The following PDCL2 variants were observed in gnomAD, a reference collection of about 807,000 sequenced individuals.
The protein encoded by PDCL2 is phosducin-like protein 2.
Under a neutral mutation model 30.3 loss-of-function variants are expected in PDCL2, and 23 were observed. The observed-to-expected ratio is 0.76, with a 90% confidence interval of 0.55 to 1.08. The LOEUF (loss-of-function observed/expected upper bound fraction) is 1.08. PDCL2 is among the 50% of genes least tolerant of loss of function. PDCL2 has a pLI of 0.00. For synonymous variants in PDCL2, 68 were observed against 86.2 expected (o/e 0.79, Z 1.17); for missense variants, 243 against 282.3 (o/e 0.86, Z 1.00).
At chr4:55,577,338 C>T (rs56152424) in intron 3 of PDCL2, among the ~76,000 whole-genome samples, 34,403 of 151,954 alleles carry the variant, frequency 0.23, 4,494 homozygotes, top group South Asian at 0.38. Flanking sequence ...GGGGGGGACA[C>T]AAACATTCAG....
intron 5 of PDCL2, among the ~76,000 whole-genome samples, chr4:55,557,739 A>G (rs1732006462): frequency 6.6e-6 from 1 of 152,052 alleles, no homozygotes; most frequent in African/African-American, 2.4e-5. Context: ...AGTCTCATCT[A>G]AATCAGATAT....
chr4:55,567,271 G>C (rs918724600), intron 4 of PDCL2, among the ~76,000 whole-genome samples: 2 of 152,160 alleles, frequency 1.3e-5, no homozygotes, highest in African/African-American at 4.8e-5. Flanking sequence ...AGTGGTTCAC[G>C]CCTGTAATCT....
Position 55,592,141 on chromosome 4 carries a change from T to G in PDCL2, c.-32A>C. 6.2e-7 allele frequency: 1 copy of G among 1,607,340 alleles called. No individual in the cohort carries two copies. The highest frequency in any genetic ancestry group is 8.5e-7 in the Non-Finnish European group (1 of 1,177,538). On this transcript the variant is annotated 5_prime_UTR_variant, in exon 1 of 6. Transcript: ENST00000295645. ...CTGCTCTGCCCCTCAAGAGCCCGCG[T>G]CGTCCTGCAGCTGGCGAGGCGCCAC...
intron 4 of PDCL2, among the ~76,000 whole-genome samples, chr4:55,566,430 T>TTTC: frequency 4.4e-5 from 1 of 22,974 alleles, no homozygotes; most frequent in East Asian, 0.014. Context: ...CCTTTTTCTC[T>TTTC]TTTTTTTTTT....
chr4:55,581,675 T>C (rs1210221805), intron 2 of PDCL2, among the ~76,000 whole-genome samples: 2 of 152,100 alleles, frequency 1.3e-5, no homozygotes, highest in Non-Finnish European at 2.9e-5. Flanking sequence ...CTGAAAGTAG[T>C]TGAGGGGGGT....
At chr4:55,590,744 C>G (rs960376293) in intron 1 of PDCL2, among the ~76,000 whole-genome samples, 1 of 152,082 alleles carries the variant, frequency 6.6e-6, no homozygotes, top group African/African-American at 2.4e-5. Flanking sequence ...ATCTGCCTGC[C>G]TCAGCCTCCC....
chr4:55,588,865 C>CTTT (rs34529316), intron 1 of PDCL2, among the ~76,000 whole-genome samples: 2 of 145,318 alleles, frequency 1.4e-5, no homozygotes, highest in African/African-American at 2.5e-5. Context: ...TTTATAAGTA[C>CTTT]TTTTTTTTTT....
At chr4:55,563,180 G>T (rs1732178491) in intron 4 of PDCL2, among the ~76,000 whole-genome samples, 1 of 152,166 alleles carries the variant, frequency 6.6e-6, no homozygotes, top group African/African-American at 2.4e-5. Flanking sequence ...AGCTCTTCCT[G>T]CTTTATCACT....
intron 2 of PDCL2, among the ~76,000 whole-genome samples, 189 bp downstream of exon 2, chr4:55,581,928 C>T (rs751197232): frequency 2.6e-5 from 4 of 152,200 alleles, no homozygotes; most frequent in African/African-American, 4.8e-5. Flanking sequence ...AGGATGGTCT[C>T]GATCTCCTGA....
At chr4:55,584,234 G>GTTTT (rs112718898) in intron 1 of PDCL2, among the ~76,000 whole-genome samples, 12 of 144,546 alleles carry the variant, frequency 8.3e-5, no homozygotes, top group Non-Finnish European at 1.8e-4. Context: ...AATGTTACTA[G>GTTTT]TTTTTTTTTG....
At chr4:55,589,980 T>G (rs1732956618) in intron 1 of PDCL2, among the ~76,000 whole-genome samples, 2 of 151,858 alleles carry the variant, frequency 1.3e-5, no homozygotes, top group African/African-American at 4.8e-5. Context: ...GCAGATCTTT[T>G]GAGGTCAGGA....
chr4:55,575,286 C>A (rs566081141), intron 3 of PDCL2, among the ~76,000 whole-genome samples: 13 of 151,484 alleles, frequency 8.6e-5, no homozygotes, highest in African/African-American at 3.2e-4. Flanking sequence ...TAAAAAAATA[C>A]ATTGGAGAGT....
chr4:55,562,351 A>G (rs1302480891), intron 5 of PDCL2, 53 bp downstream of exon 5: 2 of 1,209,022 alleles, frequency 1.7e-6, no homozygotes, highest in South Asian at 4.1e-5. Context: ...GATGCTTGTT[A>G]GTTTGCAGAT....
At chr4:55,586,549 T>G (rs529069643) in intron 1 of PDCL2, among the ~76,000 whole-genome samples, 2 of 152,246 alleles carry the variant, frequency 1.3e-5, no homozygotes, top group Non-Finnish European at 2.9e-5. Context: ...CCATTGTACC[T>G]ATATACCACA....
chr4:55,587,773 C>T (rs1476188051), intron 1 of PDCL2, among the ~76,000 whole-genome samples: 1 of 152,080 alleles, frequency 6.6e-6, no homozygotes, highest in Non-Finnish European at 1.5e-5. Flanking sequence ...CCAGGTTGGT[C>T]TCAAACTCCT....
chr4:55,557,339 A>G (rs1199412067), intron 5 of PDCL2, among the ~76,000 whole-genome samples: 32 of 152,170 alleles, frequency 2.1e-4, no homozygotes, highest in Non-Finnish European at 1.0e-4. Context: ...TGGGAAGTAC[A>G]TGGTTGAGGG....
rs765910915 is a variant in PDCL2, at chr4:55,562,561, CTT to C, written c.412_413del (p.Lys138ValfsTer5). The C allele has an allele frequency of 6.2e-7, 1 of 1,605,378 alleles. No individual in the cohort carries two copies. Among genetic ancestry groups the C allele is most frequent in the South Asian group, 1.1e-5 (1 of 89,388 alleles). Reference sequence around the variant, plus strand: ...CTTTAACAAATTTAGTTTCTGGAAACTTTCTTGCTAGAAGACTAAGATGCTGG... The same window carrying C: ...CTTTAACAAATTTAGTTTCTGGAAACTCTTGCTAGAAGACTAAGATGCTGG... ...VNQHLSLLAR[K>X]FPETKFVKAI... On this transcript the variant is annotated frameshift_variant, in exon 5 of 6. Transcript: ENST00000295645. LOFTEE classifies it high-confidence loss of function.
In PDCL2 at chr4:55,590,196, CAAAAA is replaced by C. The variant is rs1221085369; in HGVS notation, c.6+1903_6+1907del. On this transcript the variant is annotated intron_variant, in intron 1 of 5. Transcript: ENST00000295645. ...TGGATGACAGAGCTAGGCTCTGTCTCAAAAAAAAAAAAAAAAAAAAAAAAAGAGTA... is the reference window on the plus strand; with the variant it reads ...TGGATGACAGAGCTAGGCTCTGTCTCAAAAAAAAAAAAAAAAAAAAGAGTA... Among the ~76,000 whole-genome samples, 36 of 37,096 alleles carry C rather than the reference CAAAAA, an allele frequency of 9.7e-4. 1 individual carries two copies. Among genetic ancestry groups the C allele is most frequent in the African/African-American group, 4.1e-3 (32 of 7,778 alleles). The allele number at this position is 37,096 out of a possible 152,430, so 24.3% of individuals were successfully genotyped here.
chr4:55,575,288 T>C (rs917496770), intron 3 of PDCL2, among the ~76,000 whole-genome samples: 2 of 151,826 alleles, frequency 1.3e-5, no homozygotes, highest in South Asian at 2.1e-4. Flanking sequence ...AAAAAATACA[T>C]TGGAGAGTTC....
Sources: allele counts gnomAD v4.1 joint callset (sites outside exome capture counted in the v4.1 genomes callset), GRCh38; gene constraint gnomAD v4.1.1; transcripts MANE v1.5; gene names NCBI Gene and HGNC (gene_info 2026-07-23, HGNC 2026-07-21).